OTOP1: variants seen among roughly 807,000 people sequenced by gnomAD.
The protein encoded by OTOP1 is otopetrin 1.
OTOP1 carries 59 observed loss-of-function variants against 52.9 expected under a neutral mutation model. The observed-to-expected ratio is 1.12, with a 90% confidence interval of 0.91 to 1.39. The LOEUF is 1.39. Ranked by LOEUF, OTOP1 falls within the 40% of genes most tolerant of loss-of-function variation. The probability of loss-of-function intolerance (pLI) is 0.00; values close to 1 mark genes in which losing one functional copy is unlikely to be tolerated. For missense variants in OTOP1, 761 were observed against 800.9 expected, an observed-to-expected ratio of 0.95 and a Z score of 0.60; for synonymous variants, 317 against 337.7, an observed-to-expected ratio of 0.94 and a Z score of 0.67.
intron 1 of OTOP1, among the ~76,000 whole-genome samples, chr4:4,220,013 AT>A (rs1717256758): frequency 1.0e-4 from 1 of 9,662 alleles, no homozygotes; most frequent in Non-Finnish European, 1.9e-4. Context: ...ATATATATGT[AT>A]ATACATGTAT....
intron 3 of OTOP1, 103 bp downstream of exon 3, chr4:4,205,969 G>A (rs1360929365): frequency 4.1e-6 from 4 of 980,584 alleles, no homozygotes; most frequent in Non-Finnish European, 6.3e-6. Context: ...TGAGGGGAGA[G>A]TTGGTCTGTT....
intron 4 of OTOP1, among the ~76,000 whole-genome samples, chr4:4,201,393 C>A (rs1716782988): frequency 6.6e-6 from 1 of 151,786 alleles, no homozygotes; most frequent in Non-Finnish European, 1.5e-5. Context: ...CGCCACTGTA[C>A]TCCAGCTTAG....
At position 4,188,904 on chromosome 4, in the gene OTOP1, AG is replaced by A; in HGVS notation, c.1737del (p.Phe580LeufsTer5). The A allele has an allele frequency of 1.2e-6, 2 of 1,613,932 alleles. No homozygotes were observed. Among genetic ancestry groups the A allele is most frequent in the Non-Finnish European group, 1.7e-6 (2 of 1,179,830 alleles). On this transcript the variant is annotated frameshift_variant, in exon 6 of 6. Transcript: ENST00000296358. LOFTEE classifies it high-confidence loss of function. ...TTGACCACAATTATCCAGGGTTCAA[AG>A]CCAAAGACAATCTCCTCCAATCCAT... Reference protein sequence around the residue: ...YDNGLEEIVFGFEPWIIVVNL... With the variant: ...YDNGLEEIVFXFEPWIIVVNL...
chr4:4,210,717 G>A (rs908033486), intron 2 of OTOP1, among the ~76,000 whole-genome samples: 16 of 152,140 alleles, frequency 1.1e-4, no homozygotes, highest in Non-Finnish European at 2.2e-4. Flanking sequence ...TGTCATCGGA[G>A]CTACTTGGGA....
chr4:4,197,184 C>T lies in OTOP1; in HGVS notation c.1650G>A (p.Leu550=), dbSNP rs766476753. The change falls in exon 5 of 6, where the codon TTG becomes TTA. Residue 550 remains leucine, a synonymous_variant. Coordinates refer to ENST00000296358, the MANE Select transcript of OTOP1 (RefSeq NM_177998.3). ...AGATTACCGAAATATTGCAGAGGAACAAGAAGGCTGCAATATTCCTCAGGA... is the reference window on the plus strand; with the variant it reads ...AGATTACCGAAATATTGCAGAGGAATAAGAAGGCTGCAATATTCCTCAGGA... The part of the protein sequence containing the change: ...RKVLRNIAAF[L]FLCNISLWIP... 4 of 1,609,282 alleles carry T rather than the reference C, an allele frequency of 2.5e-6. No homozygotes were observed. Among genetic ancestry groups the T allele is most frequent in the Admixed American group, 1.7e-5 (1 of 59,508 alleles).
At chr4:4,207,854 GA>G (rs761979924) in intron 2 of OTOP1, among the ~76,000 whole-genome samples, 6 of 152,172 alleles carry the variant, frequency 3.9e-5, no homozygotes, top group Admixed American at 6.5e-5. Context: ...CATTACAGAT[GA>G]TTTTGAGGGC....
At chr4:4,198,616 T>C (rs1188083779) in intron 4 of OTOP1, among the ~76,000 whole-genome samples, 1 of 152,168 alleles carries the variant, frequency 6.6e-6, no homozygotes, top group Non-Finnish European at 1.5e-5. Context: ...AATGCCCCTT[T>C]TAATTAGCAA....
At chr4:4,196,299 C>T (rs1197972067) in intron 5 of OTOP1, among the ~76,000 whole-genome samples, 3 of 152,084 alleles carry the variant, frequency 2.0e-5, no homozygotes, top group East Asian at 1.9e-4. Context: ...CACCTGTAAT[C>T]CTAGCATTTT....
intron 5 of OTOP1, among the ~76,000 whole-genome samples, chr4:4,190,468 G>A (rs188251636): frequency 3.3e-5 from 5 of 152,138 alleles, no homozygotes; most frequent in African/African-American, 9.7e-5. Context: ...GTGAGGCTCT[G>A]TCTCAAAAAA....
intron 5 of OTOP1, among the ~76,000 whole-genome samples, chr4:4,193,944 T>G (rs1262763968): frequency 6.6e-6 from 1 of 152,176 alleles, no homozygotes; most frequent in Non-Finnish European, 1.5e-5. Flanking sequence ...TCCCAGCACT[T>G]TGGGAGGCCT....
chr4:4,201,602 T>C (rs2108799059), intron 4 of OTOP1, among the ~76,000 whole-genome samples: 1 of 151,998 alleles, frequency 6.6e-6, no homozygotes, highest in East Asian at 1.9e-4. Context: ...GACTTCGTTG[T>C]CTCCACCCCA....
chr4:4,192,393 C>G (rs1363832458), intron 5 of OTOP1, among the ~76,000 whole-genome samples: 1 of 152,232 alleles, frequency 6.6e-6, no homozygotes, highest in Non-Finnish European at 1.5e-5. Flanking sequence ...TATCCAAGCC[C>G]TGCCAGAATT....
rs935037613 is a variant in OTOP1, at chr4:4,226,784, G to C, written c.81C>G (p.Ala27=). The C allele has an allele frequency of 1.5e-5, 20 of 1,373,668 alleles. No homozygotes were observed. Among genetic ancestry groups the C allele is most frequent in the Non-Finnish European group, 1.9e-5 (20 of 1,067,622 alleles). 85.1% of individuals were successfully genotyped at this position (1,373,668 alleles called of 1,614,324 possible). ...GGGCCGAGGACGAGGGAGGCGAGCA[G>C]GCCGCTGGCCCCGACGACCCTGCGA... is the stretch of plus-strand genomic sequence containing the variant. ...ASVAGSSGPA[A]CSPPSSSAPR... is the part of the protein sequence containing the mutation. The change falls in exon 1 of 6, where the codon GCC becomes GCG. Residue 27 remains alanine, a synonymous_variant. Coordinates refer to ENST00000296358, the MANE Select transcript of OTOP1 (RefSeq NM_177998.3).
Position 4,201,463 on chromosome 4 carries a change from T to TACACACAC in OTOP1, c.730+984_730+985insGTGTGTGT, listed in dbSNP as rs200995441. On this transcript the variant is annotated intron_variant, in intron 4 of 5. Transcript: ENST00000296358. The stretch of plus-strand genomic sequence containing the variant: ...ATAAAATAGAATAAATAAATAAATA[T>TACACACAC]ATATATATACACACACACACACACA... Among the ~76,000 whole-genome samples, 638 of 128,376 alleles carry TACACACAC rather than the reference T, an allele frequency of 5.0e-3. 7 individuals are homozygous for TACACACAC. Among genetic ancestry groups the TACACACAC allele is most frequent in the African/African-American group, 0.019 (572 of 29,764 alleles). 84.2% of individuals were successfully genotyped at this position (128,376 alleles called of 152,430 possible).
chr4:4,220,624 T>C (rs1306268092), intron 1 of OTOP1, among the ~76,000 whole-genome samples: 1 of 152,206 alleles, frequency 6.6e-6, no homozygotes, highest in Non-Finnish European at 1.5e-5. Context: ...GGAAGTCACC[T>C]AGAACAGTGT....
chr4:4,220,953 G>C (rs760949891), intron 1 of OTOP1, among the ~76,000 whole-genome samples: 1 of 152,012 alleles, frequency 6.6e-6, no homozygotes, highest in Non-Finnish European at 1.5e-5. Flanking sequence ...CCTCTACTTG[G>C]ACAAGCTCAG....
intron 5 of OTOP1, among the ~76,000 whole-genome samples, chr4:4,194,108 G>A (rs896073371): frequency 6.6e-6 from 1 of 152,178 alleles, no homozygotes; most frequent in South Asian, 2.1e-4. Context: ...AGAATCACTT[G>A]AACCTGGGAG....
chr4:4,216,696 A>C (rs1352544396), intron 1 of OTOP1, among the ~76,000 whole-genome samples: 4 of 152,216 alleles, frequency 2.6e-5, no homozygotes, highest in African/African-American at 4.8e-5. Flanking sequence ...TGTTCTGACA[A>C]ATACGTGGTT....
At chr4:4,197,139 G>C in intron 5 of OTOP1, 27 bp downstream of exon 5, 1 of 1,556,528 alleles carries the variant, frequency 6.4e-7, no homozygotes, top group Non-Finnish European at 8.7e-7. Context: ...AAAATTAAAA[G>C]AATAAGAATA....
Sources: allele counts gnomAD v4.1 joint callset (sites outside exome capture counted in the v4.1 genomes callset), GRCh38; gene constraint gnomAD v4.1.1; transcripts MANE v1.5; gene names NCBI Gene and HGNC (gene_info 2026-07-23, HGNC 2026-07-21).